Variants in DNHD1 observed in about 807,000 individuals in gnomAD.
The protein encoded by DNHD1 is dynein heavy chain domain-containing protein 1.
In DNHD1, 383 loss-of-function variants were observed where a neutral mutation model predicts 458.1. That is an observed-to-expected ratio of 0.84 (90% CI 0.77 to 0.91). The LOEUF (loss-of-function observed/expected upper bound fraction) is 0.91. Ranked by LOEUF, DNHD1 falls within the 40% of genes least tolerant of loss-of-function variation. The pLI, the probability that DNHD1 is intolerant of heterozygous loss-of-function variation, is 0.00. For missense variants in DNHD1, 5,336 were observed against 5,866.1 expected (o/e 0.91, Z 2.95); for synonymous variants, 2,203 against 2,376.9 (o/e 0.93, Z 2.13).
At position 6,563,578 on chromosome 11, in the gene DNHD1, A is replaced by G; in HGVS notation, c.9852+14A>G. 1 of 1,550,952 alleles carries G rather than the reference A, an allele frequency of 6.4e-7. No individual in the cohort carries two copies. Among genetic ancestry groups the G allele is most frequent in the South Asian group, 1.2e-5 (1 of 84,066 alleles). On this transcript the variant is annotated intron_variant, in intron 30 of 42. Transcript: ENST00000254579. ...GATTTTTATCAGGTAGGAAGGGTGG[A>G]GCACAATGAAGGAGGATAGGGGAGG...
Position 6,528,650 on chromosome 11 carries a change from A to G in DNHD1, c.1966A>G (p.Ile656Val), listed in dbSNP as rs368814874. ...GLVWPWKSHP[I>V]AGILEVRGCR... ...GGTGTGGCCCTGGAAGTCTCACCCA[A>G]TTGCTGGTATCTTGGAGGTCCGTGG... Residue 656 changes from isoleucine to valine, a missense_variant, in exon 11 of 43, where the codon ATT (isoleucine) becomes GTT (valine). This residue lies in a region of DNHD1 where 3,932 missense variants were observed against 4,365.6 expected (regional missense o/e 0.90). Coordinates refer to ENST00000254579, the MANE Select transcript of DNHD1 (RefSeq NM_144666.3). The G allele has an allele frequency of 8.4e-6, 13 of 1,551,532 alleles. No homozygotes were observed. Among genetic ancestry groups the G allele is most frequent in the East Asian group, 4.9e-5 (2 of 40,928 alleles).
chr11:6,571,123 G>A lies in DNHD1; in HGVS notation c.13611G>A (p.Trp4537Ter), dbSNP rs983346660. The change falls in exon 42 of 43, where the codon TGG (tryptophan) becomes TGA (stop). Residue 4537 changes from tryptophan (W) to a stop codon, truncating the protein, a stop_gained. Transcript: ENST00000254579. LOFTEE classifies it high-confidence loss of function. The surrounding 1 kb of genome is among the most constrained non-coding windows in gnomAD (Gnocchi z 5.0). ...ALWTGRLPLP[W>*]RPHAPAGPQP... ...GGACTGGCCGCCTACCCTTGCCTTG[G>A]CGACCTCATGCGCCGGCCGGTCCGC... 1.9e-6 allele frequency: 3 copies of A among 1,599,736 alleles called. No homozygotes were observed. The highest frequency in any genetic ancestry group is 2.7e-5 in the African/African-American group (2 of 74,868).
chr11:6,515,899 C>A (rs576199755), intron 7 of DNHD1, among the ~76,000 whole-genome samples: 2 of 151,368 alleles, frequency 1.3e-5, no homozygotes, highest in East Asian at 3.9e-4. Flanking sequence ...CATCCTCTCA[C>A]CTCAGCCTCT....
chr11:6,567,402 C>G lies in DNHD1; in HGVS notation c.11893C>G (p.Pro3965Ala). The part of the protein sequence containing the change: ...LALWPGLAAS[P>A]STVHSKPVSD... The stretch of plus-strand genomic sequence containing the variant: ...ACTCTGGCCTGGACTAGCAGCCTCT[C>G]CCAGCACAGTCCACAGCAAGCCAGT... The change falls in exon 36 of 43, where the codon CCC becomes GCC. Residue 3965 changes from proline to alanine, a missense_variant. Transcript: ENST00000254579. The G allele has an allele frequency of 6.2e-7, 1 of 1,613,728 alleles. No individual in the cohort carries two copies. Among genetic ancestry groups the G allele is most frequent in the Non-Finnish European group, 8.5e-7 (1 of 1,179,740 alleles).
In DNHD1 at chr11:6,558,592, C is replaced by T; in HGVS notation, c.9110C>T (p.Ala3037Val). The stretch of plus-strand genomic sequence containing the variant: ...CTTTTCCTGAGGCTCCTTCAACTGG[C>T]CACTGCCAGCATTGACCGCTATGAA... ...STLFLRLLQL[A>V]TASIDRYEPW... The change falls in exon 26 of 43, where the codon GCC becomes GTC. Residue 3037 changes from alanine to valine, a missense_variant. Coordinates refer to ENST00000254579, the MANE Select transcript of DNHD1 (RefSeq NM_144666.3). 6.4e-7 allele frequency: 1 copy of T among 1,551,730 alleles called. No individual in the cohort carries two copies. The highest frequency in any genetic ancestry group is 8.7e-7 in the Non-Finnish European group (1 of 1,147,008).
rs1017065128 is a variant in DNHD1, at chr11:6,557,183, C to T, written c.7888C>T (p.Arg2630Ter). The T allele has an allele frequency of 1.2e-5, 19 of 1,551,526 alleles. No individual in the cohort carries two copies. Among genetic ancestry groups the T allele is most frequent in the South Asian group, 4.8e-5 (4 of 84,064 alleles). ...GCACTTGCGCCGGGTGTCAGGCCTG[C>T]GAGGCACTTGTCTGACCGTTATGAT... ...QEHLRRVSGL[R>*]GTCLTVMMAT... Residue 2630 changes from arginine to a stop codon, truncating the protein, a stop_gained, in exon 25 of 43, where the codon CGA becomes TGA. Transcript: ENST00000254579. LOFTEE classifies it high-confidence loss of function.
At chr11:6,517,649 C>CT (rs1564999126) in intron 7 of DNHD1, among the ~76,000 whole-genome samples, 8 of 85,638 alleles carry the variant, frequency 9.3e-5, no homozygotes, top group Admixed American at 1.7e-4. Context: ...TGATCTAGGA[C>CT]TTCTTTTTTT....
Position 6,568,193 on chromosome 11 carries a change from G to A in DNHD1, c.12489G>A (p.Trp4163Ter). ...VLDNCHLMPH[W>*]PKELLQLLLE... ...ACAACTGTCATCTGATGCCCCATTG[G>A]CCGAAAGAGCTGCTACAGCTCTTGC... The change falls in exon 37 of 43, where the codon TGG (tryptophan) becomes TGA (stop). Residue 4163 changes from tryptophan to a stop codon, truncating the protein, a stop_gained. Coordinates refer to ENST00000254579, the MANE Select transcript of DNHD1 (RefSeq NM_144666.3). LOFTEE classifies it high-confidence loss of function. 4 of 1,552,454 alleles carry A rather than the reference G, an allele frequency of 2.6e-6. No homozygotes were observed. Among genetic ancestry groups the A allele is most frequent in the Non-Finnish European group, 3.5e-6 (4 of 1,147,342 alleles).
At chr11:6,542,482 C>T (rs1234163799) in intron 18 of DNHD1, among the ~76,000 whole-genome samples, 1 of 152,218 alleles carries the variant, frequency 6.6e-6, no homozygotes, top group African/African-American at 2.4e-5. Flanking sequence ...TGCTCCTTTT[C>T]AGTTTTCCCT....
At chr11:6,561,214 T>C (rs1414563907) in intron 28 of DNHD1, among the ~76,000 whole-genome samples, 1 of 152,160 alleles carries the variant, frequency 6.6e-6, no homozygotes, top group Admixed American at 6.5e-5. Flanking sequence ...TGCCAATGGA[T>C]CACTTGAGCC....
chr11:6,532,227 G>C (rs1261207403), intron 12 of DNHD1, among the ~76,000 whole-genome samples: 1 of 152,176 alleles, frequency 6.6e-6, no homozygotes, highest in Non-Finnish European at 1.5e-5. Context: ...GATTGAAGAT[G>C]TGTTAGAGTT....
In DNHD1 at chr11:6,506,296, G is replaced by A. The variant is rs566513581; in HGVS notation, c.921-2584G>A. Among the ~76,000 whole-genome samples, 3 of 152,320 alleles carry A rather than the reference G, an allele frequency of 2.0e-5. No individual in the cohort carries two copies. In the East Asian group the frequency reaches 5.8e-4, roughly 29 times the overall value. Reference sequence around the variant, plus strand: ...GTTCAGGTCCCATACCAAAAAGGAGGTATATTTCTGGTTCCACTTTACTCC... The same window carrying A: ...GTTCAGGTCCCATACCAAAAAGGAGATATATTTCTGGTTCCACTTTACTCC... On this transcript the variant is annotated intron_variant, in intron 4 of 42. Coordinates refer to ENST00000254579, the MANE Select transcript of DNHD1 (RefSeq NM_144666.3).
In DNHD1 at chr11:6,545,449, C is replaced by A; in HGVS notation, c.4510C>A (p.Gln1504Lys). 2.6e-6 allele frequency: 4 copies of A among 1,551,870 alleles called. 1 individual carries two copies. In the East Asian group the frequency reaches 9.8e-5, roughly 38 times the overall value. The change falls in exon 21 of 43, where the codon CAG becomes AAG. Residue 1504 changes from glutamine (Q) to lysine (K), a missense_variant. Physicochemically the swap from Gln to Lys is moderately conservative, Grantham distance 53. This residue lies in a region of DNHD1 where 3,932 missense variants were observed against 4,365.6 expected (regional missense o/e 0.90). Coordinates refer to ENST00000254579, the MANE Select transcript of DNHD1 (RefSeq NM_144666.3). This position sits in a 1 kb window ranked among gnomAD's most constrained non-coding sequence, Gnocchi z 4.9. ...TGTCCAGCACTGGATCGACTTAGTC[C>A]AGGCCTTCCCATGGCAGTGTGTGCT... is the stretch of plus-strand genomic sequence containing the variant. ...LYVQHWIDLVQAFPWQCVLVA... is the reference protein window; with the variant it reads ...LYVQHWIDLVKAFPWQCVLVA...
chr11:6,562,403 T>C (rs1853604520), intron 28 of DNHD1, among the ~76,000 whole-genome samples: 2 of 151,756 alleles, frequency 1.3e-5, no homozygotes, highest in Admixed American at 6.6e-5. Flanking sequence ...GAATACACGG[T>C]ATGGGGCAGG....
chr11:6,556,471 A>C (rs1238114346), intron 24 of DNHD1, among the ~76,000 whole-genome samples: 1 of 152,198 alleles, frequency 6.6e-6, no homozygotes, highest in Non-Finnish European at 1.5e-5. Context: ...AATAAGTCAC[A>C]GAGGTAGGAT....
chr11:6,538,393 T>C lies in DNHD1; in HGVS notation c.3009T>C (p.Thr1003=), dbSNP rs942608649. ...AGCCCTCCCCCACAGAGGATGAGAC[T>C]CCTGTGCCCTTGCCAATCTGTGGGA... ...HAYAIFTEDE[T]PVPLPICGTR... The change falls in exon 15 of 43, where the codon ACT becomes ACC. Residue 1003 remains threonine, a synonymous_variant. Transcript: ENST00000254579. 9.7e-6 allele frequency: 15 copies of C among 1,551,532 alleles called. No homozygotes were observed. Among genetic ancestry groups the C allele is most frequent in the Non-Finnish European group, 9.6e-6 (11 of 1,146,990 alleles).
rs1227495995 is a variant in DNHD1, at chr11:6,509,069, C to T, written c.1110C>T (p.Arg370=). The change falls in exon 5 of 43, where the codon CGC becomes CGT. Residue 370 remains arginine, a synonymous_variant. Coordinates refer to ENST00000254579, the MANE Select transcript of DNHD1 (RefSeq NM_144666.3). ...CATTCTTTAAGTATTGCCTCTTACGCAAGTCCTTTACCTGGTAGGTAATGA... is the reference window on the plus strand; with the variant it reads ...CATTCTTTAAGTATTGCCTCTTACGTAAGTCCTTTACCTGGTAGGTAATGA... ...FIPFFKYCLL[R]KSFTCWKKNV... 1 of 1,614,208 alleles carries T rather than the reference C, an allele frequency of 6.2e-7. No homozygotes were observed. The highest frequency in any genetic ancestry group is 2.2e-5 in the East Asian group (1 of 44,888).
intron 7 of DNHD1, among the ~76,000 whole-genome samples, chr11:6,515,729 T>C (rs987300195): frequency 6.6e-6 from 1 of 151,956 alleles, no homozygotes; most frequent in African/African-American, 2.4e-5. Flanking sequence ...TAAAAGAATA[T>C]GTATTAGGCC....
chr11:6,517,104 T>C (rs992989524), intron 7 of DNHD1, among the ~76,000 whole-genome samples: 2 of 152,196 alleles, frequency 1.3e-5, no homozygotes, highest in African/African-American at 4.8e-5. Flanking sequence ...AGGTGGCACC[T>C]TCTCACCACA....
Sources: allele counts gnomAD v4.1 joint callset (sites outside exome capture counted in the v4.1 genomes callset), GRCh38; gene constraint gnomAD v4.1.1; regional missense constraint gnomAD v4.1.1; non-coding constraint Gnocchi (gnomAD v3.1); transcripts MANE v1.5; gene names NCBI Gene and HGNC (gene_info 2026-07-23, HGNC 2026-07-21).